SNX8: variants seen among roughly 807,000 people sequenced by gnomAD.
SNX8 encodes sorting nexin 8.
In SNX8, 25 loss-of-function variants were observed where a neutral mutation model predicts 51.6. That is an observed-to-expected ratio of 0.48 (90% CI 0.35 to 0.68). SNX8 has a LOEUF of 0.68. Among genes scored for constraint, SNX8 ranks in the 30% least tolerant of loss-of-function variants. SNX8 has a pLI of 0.00. For synonymous variants in SNX8, 324 were observed against 277.0 expected (o/e 1.17, Z -1.68); for missense variants, 695 against 624.0 (o/e 1.11, Z -1.21).
intron 1 of SNX8, among the ~76,000 whole-genome samples, chr7:2,308,746 G>A (rs1381200726): frequency 6.7e-6 from 1 of 149,130 alleles, no homozygotes; most frequent in Non-Finnish European, 1.5e-5. Flanking sequence ...AAACAATACT[G>A]TGGGGCATAA....
chr7:2,338,322 CACG>C (rs1778867058), intron 1 of SNX8, among the ~76,000 whole-genome samples: 1 of 151,984 alleles, frequency 6.6e-6, no homozygotes, highest in African/African-American at 2.4e-5. Context: ...ATTAGCCGGG[CACG>C]GTGGCAGGTG....
chr7:2,275,343 G>A (rs1562432548), intron 2 of SNX8, 114 bp from the exon 3 acceptor site: 2 of 737,906 alleles, frequency 2.7e-6, no homozygotes, highest in Non-Finnish European at 4.9e-6. Flanking sequence ...CTCTCACCAG[G>A]CCTTTACTAA....
chr7:2,269,900 C>G (rs141543915), intron 4 of SNX8, among the ~76,000 whole-genome samples: 74 of 152,190 alleles, frequency 4.9e-4, no homozygotes, highest in Admixed American at 9.2e-4. Flanking sequence ...CATCCGCAGA[C>G]GGGGGGCAGC....
At chr7:2,269,524 A>T (rs188087387) in intron 5 of SNX8, 35 bp downstream of exon 5, 5,605 of 289,204 alleles carry the variant, frequency 0.019, 178 homozygotes, top group African/African-American at 0.13. Flanking sequence ...AAAATAAATT[A>T]AAAAAAAAAA....
At chr7:2,290,624 A>T (rs1796129298) in intron 1 of SNX8, among the ~76,000 whole-genome samples, 1 of 152,256 alleles carries the variant, frequency 6.6e-6, no homozygotes, top group Non-Finnish European at 1.5e-5. Context: ...ATATAACTTA[A>T]TTTGGGGCCA....
intron 2 of SNX8, among the ~76,000 whole-genome samples, chr7:2,275,431 G>A (rs1382109465): frequency 6.6e-6 from 1 of 152,246 alleles, no homozygotes; most frequent in Non-Finnish European, 1.5e-5. Context: ...CGGGTGCGGT[G>A]GCTCCCGCCT....
At chr7:2,324,786 C>G (rs1778595566) in intron 1 of SNX8, among the ~76,000 whole-genome samples, 1 of 152,020 alleles carries the variant, frequency 6.6e-6, no homozygotes, top group Non-Finnish European at 1.5e-5. Flanking sequence ...ATAAAGCTAC[C>G]AATTTCTTCT....
intron 1 of SNX8, among the ~76,000 whole-genome samples, chr7:2,338,335 G>A (rs905006838): frequency 6.6e-6 from 1 of 152,030 alleles, no homozygotes; most frequent in Non-Finnish European, 1.5e-5. Flanking sequence ...GGTGGCAGGT[G>A]CCTGTAATCC....
intron 1 of SNX8, among the ~76,000 whole-genome samples, chr7:2,302,304 T>C (rs2115186586): frequency 6.6e-6 from 1 of 152,300 alleles, no homozygotes; most frequent in Admixed American, 6.5e-5. Flanking sequence ...GGGGTTTCGC[T>C]GTGTTGGCCA....
chr7:2,354,385 CG>C (rs1273096392), upstream of SNX8: 1 of 152,206 alleles, frequency 6.6e-6, no homozygotes, highest in Non-Finnish European at 1.5e-5. Flanking sequence ...GTAAACTAAA[CG>C]GTTTCCCTAG....
chr7:2,274,685 G>A (rs535625426), intron 3 of SNX8, among the ~76,000 whole-genome samples: 10 of 152,358 alleles, frequency 6.6e-5, no homozygotes, highest in South Asian at 2.1e-4. Flanking sequence ...TGAGGCCACC[G>A]AGCGCTCCCA....
chr7:2,296,384 C>T (rs1438035244), intron 1 of SNX8, among the ~76,000 whole-genome samples: 2 of 151,912 alleles, frequency 1.3e-5, no homozygotes, highest in East Asian at 1.9e-4. Context: ...TCAGCTTGGT[C>T]GCTGCTGGCA....
intron 5 of SNX8, among the ~76,000 whole-genome samples, chr7:2,267,275 C>T (rs1374816272): frequency 2.0e-5 from 3 of 151,818 alleles, no homozygotes; most frequent in Non-Finnish European, 2.9e-5. Flanking sequence ...GGGATGTACT[C>T]TTCAAAGTTA....
At chr7:2,343,600 G>A (rs1300605010) in intron 1 of SNX8, among the ~76,000 whole-genome samples, 3 of 152,084 alleles carry the variant, frequency 2.0e-5, no homozygotes, top group South Asian at 2.1e-4. Flanking sequence ...GCGTAAACCC[G>A]GGAGGCGGAG....
At chr7:2,303,464 C>G (rs906995226) in intron 1 of SNX8, among the ~76,000 whole-genome samples, 1 of 152,224 alleles carries the variant, frequency 6.6e-6, no homozygotes, top group African/African-American at 2.4e-5. Flanking sequence ...TACTCAACAG[C>G]TCATTGAGAA....
chr7:2,314,479 G>A (rs1796722487), upstream of SNX8: 1 of 1,181,568 alleles, frequency 8.5e-7, no homozygotes, highest in Non-Finnish European at 1.0e-6. Flanking sequence ...CAGCCCTGCC[G>A]CGCCGCGCCC....
intron 1 of SNX8, among the ~76,000 whole-genome samples, chr7:2,307,419 G>T (rs1017031519): frequency 6.6e-6 from 1 of 151,956 alleles, no homozygotes; most frequent in Non-Finnish European, 1.5e-5. Flanking sequence ...GATCACTGAG[G>T]TTCCAAGTTC....
chr7:2,337,795 CT>C (rs1166069399), intron 1 of SNX8, among the ~76,000 whole-genome samples: 1 of 142,820 alleles, frequency 7.0e-6, no homozygotes, highest in Non-Finnish European at 1.5e-5. Flanking sequence ...CAAAAGACCT[CT>C]TTTAGCTAAT....
intron 1 of SNX8, among the ~76,000 whole-genome samples, chr7:2,283,155 C>T (rs1305321867): frequency 6.6e-6 from 1 of 152,078 alleles, no homozygotes; most frequent in Non-Finnish European, 1.5e-5. Context: ...ACAGGATTTA[C>T]CGACAAACCC....
Sources: gnomAD v4.1 joint callset for allele counts (sites outside exome capture counted in the v4.1 genomes callset) on GRCh38, gnomAD v4.1.1 for gene constraint, MANE v1.5 for transcripts, NCBI Gene and HGNC (gene_info 2026-07-23, HGNC 2026-07-21) for gene names.